The following TOP6BL variants were observed in gnomAD, a reference collection of about 807,000 sequenced individuals.
The protein encoded by TOP6BL is type 2 DNA topoisomerase 6 subunit B-like.
chr11:66,792,546 T>C, the TOP6BL span, among the ~76,000 whole-genome samples: 1 of 152,200 alleles, frequency 6.6e-6, no homozygotes, highest in Non-Finnish European at 1.5e-5. Flanking sequence ...AGAGGCAGCA[T>C]TGGATAGTAG....
the TOP6BL span, among the ~76,000 whole-genome samples, chr11:66,805,076 A>T: frequency 3.3e-5 from 5 of 151,266 alleles, no homozygotes; most frequent in African/African-American, 4.9e-5. Flanking sequence ...TCAAAAAAAT[A>T]AATTAATTAA....
chr11:66,758,672 C>T, the TOP6BL span, among the ~76,000 whole-genome samples: 2 of 152,040 alleles, frequency 1.3e-5, no homozygotes, highest in African/African-American at 2.4e-5. Flanking sequence ...TGAATTGACT[C>T]GTATATTAGG....
At chr11:66,749,442 C>A in the TOP6BL span, among the ~76,000 whole-genome samples, 1 of 152,102 alleles carries the variant, frequency 6.6e-6, no homozygotes, top group African/African-American at 2.4e-5. Flanking sequence ...GGACTTTAGC[C>A]ACAGTAGTTT....
At chr11:66,761,873 C>T in the TOP6BL span, 3 of 995,238 alleles carry the variant, frequency 3.0e-6, no homozygotes, top group Non-Finnish European at 4.8e-6. Context: ...GACAGTCCAG[C>T]ACAAGGGCCT....
chr11:66,809,451 G>A, the TOP6BL span, among the ~76,000 whole-genome samples: 1 of 152,028 alleles, frequency 6.6e-6, no homozygotes, highest in African/African-American at 2.4e-5. Flanking sequence ...TATAATCCAC[G>A]TAACAAGAAG....
the TOP6BL span, among the ~76,000 whole-genome samples, chr11:66,777,547 A>G: frequency 6.6e-6 from 1 of 152,304 alleles, no homozygotes; most frequent in Middle Eastern, 3.4e-3. Context: ...ATGAGATAGA[A>G]TTAACTTGAT....
the TOP6BL span, among the ~76,000 whole-genome samples, chr11:66,841,110 ATTT>A: frequency 2.0e-4 from 17 of 84,622 alleles, no homozygotes; most frequent in African/African-American, 8.3e-4. Flanking sequence ...GAGGCCTCTC[ATTT>A]TTTTTTTTTT....
At chr11:66,834,372 C>T in the TOP6BL span, among the ~76,000 whole-genome samples, 1 of 152,166 alleles carries the variant, frequency 6.6e-6, no homozygotes, top group Non-Finnish European at 1.5e-5. Context: ...CATGATTCTC[C>T]ACTCAACATC....
the TOP6BL span, among the ~76,000 whole-genome samples, chr11:66,765,156 A>G: frequency 6.6e-6 from 1 of 152,224 alleles, no homozygotes; most frequent in Non-Finnish European, 1.5e-5. Context: ...TAACTACAAG[A>G]GAATAGTTTT....
the TOP6BL span, chr11:66,815,868 T>C: frequency 5.7e-6 from 3 of 530,530 alleles, no homozygotes; most frequent in African/African-American, 5.7e-5. Flanking sequence ...ATGTTCTTCC[T>C]GTGAGTCATT....
chr11:66,762,284 G>A, the TOP6BL span: 4 of 462,054 alleles, frequency 8.7e-6, no homozygotes, highest in South Asian at 2.2e-5. Flanking sequence ...AAGGGCGGGC[G>A]CACAGCCGGG....
the TOP6BL span, among the ~76,000 whole-genome samples, chr11:66,746,813 C>T: frequency 2.6e-5 from 4 of 151,944 alleles, no homozygotes; most frequent in African/African-American, 9.7e-5. Flanking sequence ...GAGGTTGAGG[C>T]TGCAGTGAAC....
the TOP6BL span, chr11:66,762,336 G>T: frequency 2.5e-6 from 1 of 393,166 alleles, no homozygotes. Flanking sequence ...CGGGCCCCGG[G>T]GGTGTGGAAG....
At chr11:66,842,215 G>T in the TOP6BL span, among the ~76,000 whole-genome samples, 1 of 152,226 alleles carries the variant, frequency 6.6e-6, no homozygotes, top group Middle Eastern at 3.4e-3. Flanking sequence ...AAAAACAAAA[G>T]GTCAGCTCAG....
chr11:66,752,386 CTA>C, the TOP6BL span, among the ~76,000 whole-genome samples: 2 of 152,096 alleles, frequency 1.3e-5, no homozygotes, highest in African/African-American at 4.8e-5. Flanking sequence ...ATTGAAAAAT[CTA>C]AAAATCTTTC....
At chr11:66,832,377 G>A in the TOP6BL span, among the ~76,000 whole-genome samples, 2 of 152,336 alleles carry the variant, frequency 1.3e-5, no homozygotes, top group East Asian at 3.9e-4. Flanking sequence ...TGGGATTACA[G>A]GCATGAGCCA....
the TOP6BL span, among the ~76,000 whole-genome samples, chr11:66,778,137 A>G: frequency 6.7e-6 from 1 of 150,118 alleles, no homozygotes; most frequent in South Asian, 2.1e-4. Flanking sequence ...CCTGGGCTCA[A>G]GTGATTCTCC....
At chr11:66,748,680 A>C in the TOP6BL span, among the ~76,000 whole-genome samples, 1 of 152,176 alleles carries the variant, frequency 6.6e-6, no homozygotes, top group Non-Finnish European at 1.5e-5. Context: ...TAGATTTACA[A>C]ATGTATCATA....
chr11:66,814,557 C>G, the TOP6BL span, among the ~76,000 whole-genome samples: 2 of 152,086 alleles, frequency 1.3e-5, no homozygotes, highest in Non-Finnish European at 2.9e-5. Flanking sequence ...GCCACCGCAC[C>G]CGGCCTGGCA....
Sources: gnomAD v4.1 joint callset for allele counts (sites outside exome capture counted in the v4.1 genomes callset) on GRCh38, gnomAD v4.1.1 for gene constraint, MANE v1.5 for transcripts, NCBI Gene and HGNC (gene_info 2026-07-23, HGNC 2026-07-21) for gene names.